Variants in WDR18 observed in about 807,000 individuals in gnomAD.
WDR18 encodes the protein WD repeat-containing protein 18.
In WDR18, 33 loss-of-function variants were observed where a neutral mutation model predicts 49.6. The observed-to-expected ratio is 0.67, with a 90% CI of 0.50 to 0.89. The LOEUF (loss-of-function observed/expected upper bound fraction) is 0.89, where lower values mean the gene tolerates loss of function less well. Among genes scored for constraint, WDR18 ranks in the 40% least tolerant of loss-of-function variants. WDR18 has a pLI of 0.00. For missense variants in WDR18, 653 were observed against 593.6 expected, an observed-to-expected ratio of 1.10 and a Z score of -1.04; for synonymous variants, 315 against 263.6, an observed-to-expected ratio of 1.19 and a Z score of -1.89.
At chr19:986,323 C>T (rs1310381163) in intron 2 of WDR18, among the ~76,000 whole-genome samples, 2 of 152,202 alleles carry the variant, frequency 1.3e-5, no homozygotes, top group Non-Finnish European at 2.9e-5. Context: ...CGGCCGGGCG[C>T]AGTGGCTCAT....
chr19:994,467 G>A lies in WDR18; in HGVS notation c.*123G>A. 7.2e-7 allele frequency: 1 copy of A among 1,390,474 alleles called. No homozygotes were observed. Among genetic ancestry groups the A allele is most frequent in the Non-Finnish European group, 9.5e-7 (1 of 1,047,864 alleles). 86.1% of individuals were successfully genotyped at this position (1,390,474 alleles called of 1,614,324 possible). ...TCTCCTCAGTTCTGTGTCGTGTTCG[G>A]GTTTTTCCTCTGTGACTGGGCCGTC... On this transcript the variant is annotated 3_prime_UTR_variant, in exon 10 of 10. Transcript: ENST00000585809.
chr19:987,829 G>GTTTTTTTTGTTTT (rs2038490657), intron 2 of WDR18, among the ~76,000 whole-genome samples: 2 of 91,822 alleles, frequency 2.2e-5, no homozygotes, highest in African/African-American at 1.1e-4. Flanking sequence ...GCCGCCTCCA[G>GTTTTTTTTGTTTT]TTTTTTTTTT....
chr19:986,842 C>T (rs1481112220), intron 2 of WDR18, among the ~76,000 whole-genome samples: 1 of 152,240 alleles, frequency 6.6e-6, no homozygotes, highest in African/African-American at 2.4e-5. Flanking sequence ...AGATCACCGG[C>T]TGTGTTGTCA....
chr19:988,971 G>A (rs1211966841), intron 2 of WDR18, among the ~76,000 whole-genome samples: 1 of 145,558 alleles, frequency 6.9e-6, no homozygotes, highest in Non-Finnish European at 1.5e-5. Flanking sequence ...GGGGAAACAC[G>A]ATTCAATCCA....
rs564232009 is a variant in WDR18, at chr19:984,711, G to T, written c.210+148G>T. The stretch of plus-strand genomic sequence containing the variant: ...GTTCGGGCGCTCTGCGCATGCGCGG[G>T]TCTGGGGGCTTTGGGGAGATACGTG... On this transcript the variant is annotated intron_variant, in intron 1 of 9. Transcript: ENST00000585809. The T allele has an allele frequency of 1.1e-3, 1,004 of 915,528 alleles. 4 individuals are homozygous for T. Among genetic ancestry groups the T allele is most frequent in the Non-Finnish European group, 9.9e-4 (647 of 655,424 alleles). 56.7% of individuals were successfully genotyped at this position (915,528 alleles called of 1,614,324 possible).
At chr19:985,694 G>A (rs1256513724) in intron 1 of WDR18, among the ~76,000 whole-genome samples, 171 bp from the exon 2 acceptor site, 1 of 152,148 alleles carries the variant, frequency 6.6e-6, no homozygotes, top group Non-Finnish European at 1.5e-5. Flanking sequence ...TCTTGCAGGG[G>A]CGAACACTTC....
rs576441461 is a variant in WDR18, at chr19:990,565, C to G, written c.597+201C>G. 40 of 920,408 alleles carry G rather than the reference C, an allele frequency of 4.3e-5. No homozygotes were observed. The Admixed American group carries it at 6.2e-4, about 14-fold the overall frequency. 57.0% of individuals were successfully genotyped at this position (920,408 alleles called of 1,614,324 possible). A position where few individuals can be genotyped will look rare whatever the true frequency, so the allele number is the denominator to read the frequency against. On this transcript the variant is annotated intron_variant, in intron 4 of 9. Transcript: ENST00000585809. ...TCCTACTCATTCACCGTTTCTGGCC[C>G]GGCTCCCTGGCCAAGCCTGGGGAAT...
chr19:984,370 A>G lies in WDR18; in HGVS notation c.17A>G (p.Glu6Gly), dbSNP rs201892004. 7 of 1,593,968 alleles carry G rather than the reference A, an allele frequency of 4.4e-6. No individual in the cohort carries two copies. In the African/African-American group the frequency reaches 8.3e-5, roughly 19 times the overall value. Reference protein sequence around the residue: MAAPMEVAVCTDSAAP... With the variant: MAAPMGVAVCTDSAAP... ...GAAGGCAAGATGGCGGCGCCCATGGAGGTGGCCGTGTGTACGGACTCGGCG... is the reference window on the plus strand; with the variant it reads ...GAAGGCAAGATGGCGGCGCCCATGGGGGTGGCCGTGTGTACGGACTCGGCG... The change falls in exon 1 of 10, where the codon GAG becomes GGG. Residue 6 changes from glutamate to glycine, a missense_variant. Glu to Gly is a moderately conservative substitution (Grantham distance 98). Coordinates refer to ENST00000585809, the MANE Select transcript of WDR18 (RefSeq NM_024100.4).
intron 2 of WDR18, among the ~76,000 whole-genome samples, chr19:986,630 A>G (rs2038478417): frequency 6.6e-6 from 1 of 152,170 alleles, no homozygotes; most frequent in African/African-American, 2.4e-5. Context: ...ACACACTCAC[A>G]GCCCGGATCC....
Position 990,286 on chromosome 19 carries a change from C to A in WDR18, c.519C>A (p.Leu173=), listed in dbSNP as rs751835665. The stretch of plus-strand genomic sequence containing the variant: ...GGCACGTCTGGTCTCACCACGCGCT[C>A]CCCATCACGGACCTGCACTGCGGCT... ...APRHVWSHHA[L]PITDLHCGFG... Residue 173 remains leucine (L), a synonymous_variant, in exon 4 of 10, where the codon CTC becomes CTA. Coordinates refer to ENST00000585809, the MANE Select transcript of WDR18 (RefSeq NM_024100.4). The A allele has an allele frequency of 6.3e-7, 1 of 1,599,106 alleles. No homozygotes were observed. Among genetic ancestry groups the A allele is most frequent in the Non-Finnish European group, 8.5e-7 (1 of 1,179,026 alleles).
chr19:987,360 G>A (rs1347261122), intron 2 of WDR18, among the ~76,000 whole-genome samples: 2 of 152,060 alleles, frequency 1.3e-5, no homozygotes, highest in East Asian at 1.9e-4. Flanking sequence ...AAGGGGGGTC[G>A]GGACAGGCAG....
At chr19:992,247 G>A (rs1042273913) in intron 8 of WDR18, 126 bp downstream of exon 8, 3 of 1,210,590 alleles carry the variant, frequency 2.5e-6, no homozygotes, top group African/African-American at 3.2e-5. Flanking sequence ...GCACTGGAGG[G>A]CGCGTCCTGT....
chr19:989,655 C>T (rs781307011), intron 2 of WDR18, 107 bp from the exon 3 acceptor site: 5 of 1,484,890 alleles, frequency 3.4e-6, no homozygotes, highest in African/African-American at 1.4e-5. Flanking sequence ...AGGCAGGGGG[C>T]GACAGTGTGG....
At chr19:986,572 GCCT>G (rs1184821294) in intron 2 of WDR18, among the ~76,000 whole-genome samples, 1 of 152,180 alleles carries the variant, frequency 6.6e-6, no homozygotes, top group Non-Finnish European at 1.5e-5. Flanking sequence ...CCCGGCCAGT[GCCT>G]CCTTTTTCTT....
chr19:984,650 T>TA (rs1482060980), intron 1 of WDR18, 87 bp downstream of exon 1: 1 of 1,277,506 alleles, frequency 7.8e-7, no homozygotes, highest in African/African-American at 1.6e-5. Flanking sequence ...CGTGCACCCT[T>TA]AGTCGGAATT....
Position 994,005 on chromosome 19 carries a change from C to T in WDR18, c.1099-15C>T, listed in dbSNP as rs1363065060. ...CAGGACGCGCCCCGAGGTCACGTGG[C>T]TCCCTGTGTTACAGGGCTCGGAGCC... On this transcript the variant is annotated splice_polypyrimidine_tract_variant and intron_variant, in intron 8 of 9. Transcript: ENST00000585809. 9.0e-6 allele frequency: 14 copies of T among 1,550,790 alleles called. No individual in the cohort carries two copies. The highest frequency in any genetic ancestry group is 2.0e-5 in the Admixed American group (1 of 51,130).
rs1408494905 is a variant in WDR18, at chr19:994,544, G to A, written c.*200G>A. Reference sequence around the variant, plus strand: ...TGGTGCTAGTCTGTTTTTAACAAAAGAGGATGAAAAGCCCCTCCTCTCCGG... The same window carrying A: ...TGGTGCTAGTCTGTTTTTAACAAAAAAGGATGAAAAGCCCCTCCTCTCCGG... On this transcript the variant is annotated 3_prime_UTR_variant, in exon 10 of 10. Transcript: ENST00000585809. 1 of 783,766 alleles carries A rather than the reference G, an allele frequency of 1.3e-6. No individual in the cohort carries two copies. Among genetic ancestry groups the A allele is most frequent in the Admixed American group, 3.0e-5 (1 of 33,702 alleles). 48.6% of individuals were successfully genotyped at this position (783,766 alleles called of 1,614,324 possible).
chr19:985,229 G>A (rs1347463225), intron 1 of WDR18, among the ~76,000 whole-genome samples: 1 of 152,092 alleles, frequency 6.6e-6, no homozygotes, highest in Non-Finnish European at 1.5e-5. Flanking sequence ...GCAGTGGTGC[G>A]ATCTCGGCTC....
Position 991,183 on chromosome 19 carries a change from G to A in WDR18, c.806+38G>A, listed in dbSNP as rs749449430. On this transcript the variant is annotated intron_variant, in intron 6 of 9. Coordinates refer to ENST00000585809, the MANE Select transcript of WDR18 (RefSeq NM_024100.4). Reference sequence around the variant, plus strand: ...GAACGGGGCGGGGGCTCCCAGGCACGTCCTGTCTGGCACGTCCCAGGTGAC... The same window carrying A: ...GAACGGGGCGGGGGCTCCCAGGCACATCCTGTCTGGCACGTCCCAGGTGAC... 5 of 1,466,936 alleles carry A rather than the reference G, an allele frequency of 3.4e-6. No homozygotes were observed. The East Asian group carries it at 7.6e-5, about 22-fold the overall frequency. The allele number at this position is 1,466,936 out of a possible 1,614,324, so 90.9% of individuals were successfully genotyped here.
Sources: allele counts gnomAD v4.1 joint callset (sites outside exome capture counted in the v4.1 genomes callset), GRCh38; gene constraint gnomAD v4.1.1; transcripts MANE v1.5; gene names NCBI Gene and HGNC (gene_info 2026-07-23, HGNC 2026-07-21).